The following CNTN5 variants were observed in gnomAD, a reference collection of about 807,000 sequenced individuals.
CNTN5 encodes contactin-5.
Under a neutral mutation model 129.1 loss-of-function variants are expected in CNTN5, and 77 were observed. That is an observed-to-expected ratio of 0.60 (90% CI 0.50 to 0.72). CNTN5 has a LOEUF of 0.72. CNTN5 is among the 30% of genes least tolerant of loss of function. The pLI is 0.00. For missense variants in CNTN5, 1,478 were observed against 1,328.8 expected (o/e 1.11, Z -1.75); for synonymous variants, 509 against 465.6 (o/e 1.09, Z -1.20).
chr11:99,953,908 C>T (rs1591474692), intron 7 of CNTN5, among the ~76,000 whole-genome samples: 1 of 152,286 alleles, frequency 6.6e-6, no homozygotes, highest in African/African-American at 2.4e-5. Flanking sequence ...GTCATGACTT[C>T]TTTTCCCGTG....
intron 7 of CNTN5, among the ~76,000 whole-genome samples, chr11:99,920,946 C>T (rs898302891): frequency 4.6e-5 from 7 of 151,926 alleles, no homozygotes; most frequent in Non-Finnish European, 1.0e-4. Context: ...GAGGGTTGGG[C>T]CTTTATGATA....
At chr11:99,836,344 G>A (rs1208012068) in intron 4 of CNTN5, among the ~76,000 whole-genome samples, 9 of 138,244 alleles carry the variant, frequency 6.5e-5, no homozygotes, top group African/African-American at 1.6e-4. Context: ...ACCCTGTGTC[G>A]AAGTGTTCTC....
At chr11:99,086,128 G>T (rs1405187488) in intron 1 of CNTN5, among the ~76,000 whole-genome samples, 3 of 152,126 alleles carry the variant, frequency 2.0e-5, no homozygotes, top group African/African-American at 7.2e-5. Flanking sequence ...ATAATAATTT[G>T]TATTCATTCA....
intron 2 of CNTN5, among the ~76,000 whole-genome samples, chr11:99,396,572 A>T (rs561834053): frequency 6.6e-6 from 1 of 151,780 alleles, no homozygotes; most frequent in African/African-American, 2.4e-5. Context: ...AAAAAAAGTT[A>T]TCACTACTAT....
chr11:100,166,893 CA>C (rs1439882533), intron 13 of CNTN5, among the ~76,000 whole-genome samples: 1 of 151,742 alleles, frequency 6.6e-6, no homozygotes, highest in Non-Finnish European at 1.5e-5. Flanking sequence ...CTAAAAGATA[CA>C]TTAGAAATCA....
intron 3 of CNTN5, among the ~76,000 whole-genome samples, chr11:99,800,565 T>C (rs1456380344): frequency 6.6e-6 from 1 of 152,128 alleles, no homozygotes; most frequent in Admixed American, 6.5e-5. Flanking sequence ...TATTATCATG[T>C]AGCTGCCTAA....
In CNTN5 at chr11:99,544,298, A is replaced by T. The variant is rs528115480; in HGVS notation, c.-70-11847A>T. Among the ~76,000 whole-genome samples the T allele has an allele frequency of 7.7e-4, 117 of 152,306 alleles. 1 individual carries two copies. The highest frequency in any genetic ancestry group is 1.3e-3 in the Non-Finnish European group (91 of 68,026). ...CCTCCCACTAGGCCCGACTTCCAAC[A>T]CTGCGAATTACAACTCAACATGAGA... On this transcript the variant is annotated intron_variant, in intron 2 of 24. Coordinates refer to ENST00000524871, the MANE Select transcript of CNTN5 (RefSeq NM_014361.4).
chr11:99,838,280 C>T (rs1947368352), intron 4 of CNTN5, among the ~76,000 whole-genome samples: 2 of 152,224 alleles, frequency 1.3e-5, no homozygotes, highest in Non-Finnish European at 2.9e-5. Flanking sequence ...CGTTCTTCTT[C>T]CAGTTCTGAA....
intron 3 of CNTN5, among the ~76,000 whole-genome samples, chr11:99,576,708 T>G (rs148950006): frequency 0.012 from 1,848 of 152,322 alleles, 14 homozygotes; most frequent in Middle Eastern, 0.041. Flanking sequence ...TCCAGTTGCC[T>G]GCAGATTTGG....
rs183050231 is a variant in CNTN5 at position 99,658,722 on chromosome 11, T to A, written c.55+102453T>A. Among the ~76,000 whole-genome samples the A allele has an allele frequency of 7.7e-4, 110 of 143,286 alleles. 1 individual carries two copies. Among genetic ancestry groups the A allele is most frequent in the African/African-American group, 1.4e-3 (56 of 39,900 alleles). The allele number at this position is 143,286 out of a possible 152,430, so 94.0% of individuals were successfully genotyped here. A position where few individuals can be genotyped will look rare whatever the true frequency, so the allele number is the denominator to read the frequency against. On this transcript the variant is annotated intron_variant, in intron 3 of 24. Coordinates refer to ENST00000524871, the MANE Select transcript of CNTN5 (RefSeq NM_014361.4). ...TTCTGTCTCTACTAAAAAAAAAATA[T>A]ATATATATATATAAAATTAGCCAGG...
chr11:99,759,350 C>G (rs1339881187), intron 3 of CNTN5, among the ~76,000 whole-genome samples: 1 of 151,980 alleles, frequency 6.6e-6, no homozygotes, highest in East Asian at 1.9e-4. Flanking sequence ...TCAGCCATGA[C>G]ACCTACCTTC....
intron 3 of CNTN5, among the ~76,000 whole-genome samples, chr11:99,702,303 T>C (rs138989024): frequency 3.2e-4 from 49 of 151,070 alleles, no homozygotes; most frequent in Middle Eastern, 3.4e-3. Flanking sequence ...AATTTGGACA[T>C]ATGAAGTATT....
intron 9 of CNTN5, among the ~76,000 whole-genome samples, chr11:100,020,796 G>T (rs1336430143): frequency 1.4e-4 from 22 of 151,754 alleles, no homozygotes; most frequent in South Asian, 2.1e-4. Flanking sequence ...AGTATCTGAA[G>T]AAATTAAAAA....
intron 13 of CNTN5, among the ~76,000 whole-genome samples, chr11:100,163,160 T>C (rs1250758614): frequency 6.6e-6 from 1 of 151,838 alleles, no homozygotes; most frequent in Non-Finnish European, 1.5e-5. Context: ...ATATTTAGCT[T>C]ATTTAGACAT....
intron 3 of CNTN5, among the ~76,000 whole-genome samples, chr11:99,637,578 C>G (rs1951609031): frequency 6.6e-6 from 1 of 151,994 alleles, no homozygotes; most frequent in South Asian, 2.1e-4. Context: ...TTTTAAAAAT[C>G]AGTATTTTTT....
chr11:100,223,505 A>G (rs1949310544), intron 15 of CNTN5, among the ~76,000 whole-genome samples: 1 of 152,192 alleles, frequency 6.6e-6, no homozygotes, highest in Admixed American at 6.6e-5. Flanking sequence ...TATGATTTTC[A>G]TAAAACCCAT....
chr11:100,339,591 G>A (rs540267), intron 21 of CNTN5, among the ~76,000 whole-genome samples: 111,256 of 152,058 alleles, frequency 0.73, 42,343 homozygotes, highest in East Asian at 0.97. Context: ...GAATAGAAGT[G>A]CTCACTTCAG....
At chr11:99,301,270 T>C (rs1033456643) in intron 1 of CNTN5, among the ~76,000 whole-genome samples, 3 of 150,372 alleles carry the variant, frequency 2.0e-5, no homozygotes, top group Non-Finnish European at 1.5e-5. Flanking sequence ...AATGTAAAAA[T>C]GAGTTAAATA....
Position 99,732,214 on chromosome 11 carries a change from G to GA in CNTN5, c.56-87325dup, listed in dbSNP as rs545539870. ...GGAAAGAAAGGAGATAGTGAATAAT[G>GA]AAAAACTGCATTTGAGGTTGTTTTA... On this transcript the variant is annotated intron_variant, in intron 3 of 24. Transcript: ENST00000524871. 1.2e-3 allele frequency among the ~76,000 whole-genome samples: 175 copies of GA among 150,268 alleles called. 1 individual carries two copies. The highest frequency in any genetic ancestry group is 4.0e-3 in the African/African-American group (163 of 41,184).
Sources: gnomAD v4.1 joint callset for allele counts (sites outside exome capture counted in the v4.1 genomes callset) on GRCh38, gnomAD v4.1.1 for gene constraint, MANE v1.5 for transcripts, NCBI Gene and HGNC (gene_info 2026-07-23, HGNC 2026-07-21) for gene names.